The following IPO11 variants were observed in gnomAD, a reference collection of about 807,000 sequenced individuals.
IPO11 encodes importin 11.
In IPO11, 66 loss-of-function variants were observed where a neutral mutation model predicts 143.2. The observed-to-expected ratio is 0.46, with a 90% CI of 0.38 to 0.57. The LOEUF is 0.57. IPO11 is among the 20% of genes least tolerant of loss of function. IPO11 has a pLI of 0.00. For missense variants in IPO11, 1,026 were observed against 1,141.0 expected, an observed-to-expected ratio of 0.90 and a Z score of 1.45; for synonymous variants, 385 against 377.8, an observed-to-expected ratio of 1.02 and a Z score of -0.22.
At chr5:62,602,644 G>A (rs542886975) in intron 29 of IPO11, among the ~76,000 whole-genome samples, 1 of 152,156 alleles carries the variant, frequency 6.6e-6, no homozygotes, top group Admixed American at 6.5e-5. Context: ...TTTACACCTC[G>A]CATTACAGCA....
At chr5:62,577,541 C>T (rs1744361283) in intron 27 of IPO11, among the ~76,000 whole-genome samples, 1 of 152,046 alleles carries the variant, frequency 6.6e-6, no homozygotes. Flanking sequence ...ATTGGAAGTA[C>T]TAAACAAAAT....
chr5:62,428,502 C>T (rs138507550), intron 1 of IPO11, among the ~76,000 whole-genome samples: 158 of 152,030 alleles, frequency 1.0e-3, no homozygotes, highest in African/African-American at 3.6e-3. Context: ...CGCCACTACA[C>T]CTGGCTAATT....
chr5:62,491,927 C>G (rs879284157), intron 15 of IPO11, among the ~76,000 whole-genome samples: 2 of 151,864 alleles, frequency 1.3e-5, no homozygotes, highest in Non-Finnish European at 2.9e-5. Context: ...GCCTTGGCCT[C>G]CCAAAGAATA....
intron 29 of IPO11, among the ~76,000 whole-genome samples, chr5:62,623,063 T>TA (rs1746431024): frequency 2.0e-5 from 3 of 152,356 alleles, no homozygotes; most frequent in Admixed American, 2.0e-4. Flanking sequence ...TTAGGAGAGT[T>TA]TATATCCAAC....
At chr5:62,503,066 C>A (rs921727650) in intron 16 of IPO11, among the ~76,000 whole-genome samples, 2 of 152,084 alleles carry the variant, frequency 1.3e-5, no homozygotes, top group Non-Finnish European at 2.9e-5. Context: ...CTCAAGTGAT[C>A]CGCCTGCCTC....
At chr5:62,546,170 T>C (rs1743170739) in intron 24 of IPO11, among the ~76,000 whole-genome samples, 1 of 152,162 alleles carries the variant, frequency 6.6e-6, no homozygotes, top group Non-Finnish European at 1.5e-5. Flanking sequence ...GCAGCACTAT[T>C]CACAATAGCA....
intron 19 of IPO11, among the ~76,000 whole-genome samples, chr5:62,506,934 G>C (rs1741574431): frequency 6.6e-6 from 1 of 152,136 alleles, no homozygotes; most frequent in Admixed American, 6.5e-5. Flanking sequence ...AAGCAAATCT[G>C]TGATTTGCAT....
In IPO11 at chr5:62,420,487, G is replaced by T. The variant is rs189062634; in HGVS notation, c.-7+7558G>T. Among the ~76,000 whole-genome samples the T allele has an allele frequency of 5.3e-3, 803 of 152,220 alleles. 3 individuals carry two copies. The highest frequency in any genetic ancestry group is 8.3e-3 in the Non-Finnish European group (563 of 68,012). On this transcript the variant is annotated intron_variant, in intron 1 of 29. Coordinates refer to ENST00000325324, the MANE Select transcript of IPO11 (RefSeq NM_016338.5). ...AATGTGATTTACTACGACTTAGGATGGCTATGATGTCACTATGTGATAGGA... is the reference window on the plus strand; with the variant it reads ...AATGTGATTTACTACGACTTAGGATTGCTATGATGTCACTATGTGATAGGA...
chr5:62,428,508 T>C (rs1347221068), intron 1 of IPO11, among the ~76,000 whole-genome samples: 1 of 152,046 alleles, frequency 6.6e-6, no homozygotes, highest in Admixed American at 6.6e-5. Context: ...TACACCTGGC[T>C]AATTTTTGTA....
intron 27 of IPO11, among the ~76,000 whole-genome samples, chr5:62,582,263 C>T (rs1744596139): frequency 6.6e-6 from 1 of 152,150 alleles, no homozygotes; most frequent in Non-Finnish European, 1.5e-5. Flanking sequence ...ATGCTAGAGG[C>T]CTGGGCCAGG....
At chr5:62,593,193 A>G (rs1034612946) in intron 28 of IPO11, among the ~76,000 whole-genome samples, 3 of 152,096 alleles carry the variant, frequency 2.0e-5, no homozygotes, top group Non-Finnish European at 4.4e-5. Context: ...AAAAAAAGGC[A>G]CTATATGTTA....
chr5:62,483,085 AT>A lies in IPO11; in HGVS notation c.829-13del, dbSNP rs1382323305. 2.0e-6 allele frequency: 3 copies of A among 1,466,656 alleles called. No homozygotes were observed. The highest frequency in any genetic ancestry group is 2.8e-6 in the Non-Finnish European group (3 of 1,068,166). The allele number at this position is 1,466,656 out of a possible 1,614,324, so 90.9% of individuals were successfully genotyped here. On this transcript the variant is annotated splice_polypyrimidine_tract_variant and intron_variant, in intron 9 of 29. Transcript: ENST00000325324. ...GGAAAATACATTTTAATTTTTATTT[AT>A]TTATTTTTCTACAGCTTTTGGACTT...
At chr5:62,418,857 T>A in intron 1 of IPO11, 2 of 765,464 alleles carry the variant, frequency 2.6e-6, no homozygotes, top group Non-Finnish European at 4.0e-6. Flanking sequence ...CTTATTCTTA[T>A]ATGCCTGTGC....
At chr5:62,555,402 A>G (rs965948033) in intron 26 of IPO11, among the ~76,000 whole-genome samples, 1 of 151,778 alleles carries the variant, frequency 6.6e-6, no homozygotes, top group African/African-American at 2.4e-5. Context: ...GCAACCGCAA[A>G]CTCTTACTCA....
chr5:62,470,442 G>T, intron 7 of IPO11, 134 bp downstream of exon 7: 1 of 747,366 alleles, frequency 1.3e-6, no homozygotes, highest in South Asian at 1.7e-5. Flanking sequence ...TTACCATTCT[G>T]ACTTTTAGAC....
chr5:62,585,791 G>A (rs1355106412), intron 27 of IPO11, among the ~76,000 whole-genome samples: 2 of 152,150 alleles, frequency 1.3e-5, no homozygotes, highest in Non-Finnish European at 2.9e-5. Context: ...TTAATAGTAG[G>A]AATATAGAGG....
At chr5:62,434,284 T>A (rs1455528234) in intron 1 of IPO11, among the ~76,000 whole-genome samples, 1 of 149,856 alleles carries the variant, frequency 6.7e-6, no homozygotes, top group East Asian at 2.0e-4. Flanking sequence ...AGTGACACAC[T>A]CAGTTGCAGT....
intron 19 of IPO11, among the ~76,000 whole-genome samples, chr5:62,513,697 C>T (rs1281773437): frequency 6.9e-6 from 1 of 144,386 alleles, no homozygotes; most frequent in East Asian, 2.1e-4. Context: ...GCTGAGCCCC[C>T]CACCCCCGGA....
In IPO11 at chr5:62,483,246, A is replaced by G; in HGVS notation, c.974A>G (p.Lys325Arg). Residue 325 changes from lysine (K) to arginine (R), a missense_variant, in exon 10 of 30, where the codon AAG (lysine) becomes AGG (arginine). Lys to Arg is a conservative substitution (Grantham distance 26). Transcript: ENST00000325324. Reference protein sequence around the residue: ...RFIVQCMNLIKMIVKNYAYKP... With the variant: ...RFIVQCMNLIRMIVKNYAYKP... ...ATTGTCCAATGTATGAATCTTATTA[A>G]GATGATTGTCAAAAATTATGCTTAT... 2 of 1,606,434 alleles carry G rather than the reference A, an allele frequency of 1.2e-6. No homozygotes were observed. Among genetic ancestry groups the G allele is most frequent in the South Asian group, 1.1e-5 (1 of 88,706 alleles).
Sources: allele counts gnomAD v4.1 joint callset (sites outside exome capture counted in the v4.1 genomes callset), GRCh38; gene constraint gnomAD v4.1.1; transcripts MANE v1.5; gene names NCBI Gene and HGNC (gene_info 2026-07-23, HGNC 2026-07-21).